VIT: variants seen among roughly 807,000 people sequenced by gnomAD.
The protein encoded by VIT is vitrin.
Under a neutral mutation model 78.0 loss-of-function variants are expected in VIT, and 99 were observed. That is an observed-to-expected ratio of 1.27 (90% CI 1.08 to 1.50). The LOEUF is 1.50. Among genes scored for constraint, VIT ranks in the 40% most tolerant of loss-of-function variants. VIT has a pLI of 0.00. For missense variants in VIT, 1,126 were observed against 875.3 expected, an observed-to-expected ratio of 1.29 and a Z score of -3.61; for synonymous variants, 374 against 334.3, an observed-to-expected ratio of 1.12 and a Z score of -1.29.
chr2:36,703,149 T>TC (rs1382394191), intron 1 of VIT, among the ~76,000 whole-genome samples: 2 of 152,198 alleles, frequency 1.3e-5, no homozygotes, highest in African/African-American at 4.8e-5. Context: ...TTACTGGGCA[T>TC]CCAAGCTCTC....
intron 11 of VIT, among the ~76,000 whole-genome samples, chr2:36,784,883 C>T (rs1664989121): frequency 6.6e-6 from 1 of 152,236 alleles, no homozygotes; most frequent in Non-Finnish European, 1.5e-5. Flanking sequence ...TGAGCTGGAA[C>T]CATTGTCATT....
chr2:36,805,357 A>G (rs1666634948), intron 13 of VIT, 81 bp from the exon 14 acceptor site: 2 of 1,267,800 alleles, frequency 1.6e-6, no homozygotes, highest in South Asian at 1.7e-5. Flanking sequence ...ATTTTTCTGG[A>G]CCTCTTTGTG....
chr2:36,762,748 T>G (rs1446896799), intron 6 of VIT, among the ~76,000 whole-genome samples: 1 of 152,100 alleles, frequency 6.6e-6, no homozygotes, highest in Non-Finnish European at 1.5e-5. Context: ...CAATATGAAT[T>G]AACAGGCTAA....
intron 7 of VIT, among the ~76,000 whole-genome samples, chr2:36,769,682 A>T (rs940314607): frequency 6.6e-6 from 1 of 152,244 alleles, no homozygotes; most frequent in African/African-American, 2.4e-5. Context: ...AAAAGTATTC[A>T]TGAGAGACTT....
chr2:36,732,374 G>C (rs1573176809), intron 3 of VIT, among the ~76,000 whole-genome samples: 1 of 152,272 alleles, frequency 6.6e-6, no homozygotes, highest in East Asian at 1.9e-4. Flanking sequence ...AATGCATGAG[G>C]TCTTTTCTCT....
intron 8 of VIT, 198 bp from the exon 9 acceptor site, chr2:36,774,804 G>T: frequency 2.0e-6 from 2 of 985,412 alleles, no homozygotes; most frequent in Non-Finnish European, 2.4e-6. Context: ...CCCAATCCAT[G>T]GAGCACTGTT....
intron 12 of VIT, among the ~76,000 whole-genome samples, chr2:36,793,133 C>A (rs1252337784): frequency 6.6e-6 from 1 of 152,092 alleles, no homozygotes; most frequent in Non-Finnish European, 1.5e-5. Flanking sequence ...CTCACTGAGC[C>A]CTGTGATGTG....
chr2:36,703,908 GGTTTTTTTTT>G (rs1665230541), intron 1 of VIT, among the ~76,000 whole-genome samples: 1 of 43,348 alleles, frequency 2.3e-5, no homozygotes, highest in Non-Finnish European at 6.6e-5. Flanking sequence ...GTTTGTTTGG[GGTTTTTTTTT>G]GTTTGTTTTT....
intron 15 of VIT, among the ~76,000 whole-genome samples, chr2:36,813,781 T>C (rs150562811): frequency 6.6e-6 from 1 of 152,306 alleles, no homozygotes; most frequent in East Asian, 1.9e-4. Context: ...AGAGCAGGCA[T>C]GTGTCATGTA....
rs974271063 is a variant in VIT, at chr2:36,769,296, C to T, written c.679+2011C>T. On this transcript the variant is annotated intron_variant, in intron 7 of 15. Coordinates refer to ENST00000379242, the MANE Select transcript of VIT (RefSeq NM_053276.4). ...AACATGTGGCATATTTATTTGGCTA[C>T]GCTGGGAGCTTGGAAATCTGTTGCA... Among the ~76,000 whole-genome samples the T allele has an allele frequency of 2.6e-5, 4 of 152,174 alleles. No individual in the cohort carries two copies. In the East Asian group the frequency reaches 7.7e-4, roughly 29 times the overall value.
chr2:36,715,392 C>T (rs1666062704), intron 1 of VIT, among the ~76,000 whole-genome samples: 1 of 152,020 alleles, frequency 6.6e-6, no homozygotes, highest in Admixed American at 6.6e-5. Flanking sequence ...CAAAACTCAG[C>T]CAGGCATGGT....
intron 4 of VIT, among the ~76,000 whole-genome samples, chr2:36,750,835 GA>G (rs562824484): frequency 1.7e-3 from 250 of 150,186 alleles, no homozygotes; most frequent in Non-Finnish European, 3.1e-3. Flanking sequence ...AAAAAAAGAA[GA>G]AAAAAAAATA....
intron 4 of VIT, among the ~76,000 whole-genome samples, chr2:36,745,717 T>C (rs1348006737): frequency 2.0e-5 from 3 of 152,146 alleles, no homozygotes; most frequent in Non-Finnish European, 2.9e-5. Flanking sequence ...GTGGAGTCTT[T>C]AGGGTTTTCT....
intron 3 of VIT, among the ~76,000 whole-genome samples, chr2:36,731,314 G>C (rs962465349): frequency 6.6e-6 from 1 of 151,636 alleles, no homozygotes; most frequent in Non-Finnish European, 1.5e-5. Flanking sequence ...TCACTCTGTC[G>C]CCAGGCTGGA....
intron 1 of VIT, among the ~76,000 whole-genome samples, chr2:36,711,512 T>A (rs1665795248): frequency 2.0e-5 from 3 of 152,294 alleles, no homozygotes; most frequent in Non-Finnish European, 4.4e-5. Context: ...AATAAGTCAC[T>A]TACCCACTGC....
intron 1 of VIT, among the ~76,000 whole-genome samples, chr2:36,715,859 C>T (rs1443285535): frequency 6.6e-6 from 1 of 152,148 alleles, no homozygotes; most frequent in Non-Finnish European, 1.5e-5. Flanking sequence ...TGTTTTTCCA[C>T]CTATATTAAA....
At chr2:36,796,543 A>G (rs1665915629) in intron 12 of VIT, among the ~76,000 whole-genome samples, 1 of 152,252 alleles carries the variant, frequency 6.6e-6, no homozygotes, top group Non-Finnish European at 1.5e-5. Flanking sequence ...ACATCAACCC[A>G]GAACCTTAAT....
chr2:36,810,932 C>T (rs57817021), intron 15 of VIT, among the ~76,000 whole-genome samples: 13,421 of 152,250 alleles, frequency 0.088, 931 homozygotes, highest in East Asian at 0.18. Flanking sequence ...CTGCACCTGG[C>T]TTCTGTGCCT....
chr2:36,717,222 A>G (rs2148451744), intron 2 of VIT, among the ~76,000 whole-genome samples: 1 of 131,588 alleles, frequency 7.6e-6, no homozygotes, highest in East Asian at 2.3e-4. Flanking sequence ...TCTGTCGCCC[A>G]GGCTGGAGTG....
Sources: allele counts gnomAD v4.1 joint callset (sites outside exome capture counted in the v4.1 genomes callset), GRCh38; gene constraint gnomAD v4.1.1; transcripts MANE v1.5; gene names NCBI Gene and HGNC (gene_info 2026-07-23, HGNC 2026-07-21).